TIAM1: variants seen among roughly 807,000 people sequenced by gnomAD.
TIAM1 encodes TIAM Rac1 associated GEF 1.
Under a neutral mutation model 163.5 loss-of-function variants are expected in TIAM1, and 65 were observed. The ratio of observed to expected loss-of-function variants is 0.40; its 90% CI spans 0.33 to 0.49. The LOEUF (loss-of-function observed/expected upper bound fraction) is 0.49. Among genes scored for constraint, TIAM1 ranks in the 20% least tolerant of loss-of-function variants. The probability of loss-of-function intolerance (pLI) is 0.77; values close to 1 mark genes in which losing one functional copy is unlikely to be tolerated. For missense variants in TIAM1, 1,789 were observed against 2,044.7 expected (o/e 0.87, Z 2.41); for synonymous variants, 833 against 810.1 (o/e 1.03, Z -0.48).
intron 2 of TIAM1, among the ~76,000 whole-genome samples, chr21:31,400,906 C>T (rs1181499814): frequency 6.6e-6 from 1 of 152,044 alleles, no homozygotes; most frequent in Non-Finnish European, 1.5e-5. Context: ...GCCTGACCAA[C>T]ATGGAGAAAC....
At chr21:31,245,372 TA>T (rs35494700) in intron 6 of TIAM1, 115 bp downstream of exon 6, 50,775 of 208,904 alleles carry the variant, frequency 0.24, 1,818 homozygotes, top group Admixed American at 0.35. Context: ...ATCTCACCAC[TA>T]AAAAAAAAAA....
At chr21:31,360,706 A>G (rs1712955952) in intron 2 of TIAM1, among the ~76,000 whole-genome samples, 1 of 152,254 alleles carries the variant, frequency 6.6e-6, no homozygotes, top group South Asian at 2.1e-4. Flanking sequence ...GTACAAATCA[A>G]TAAGAAAAAC....
At chr21:31,361,919 C>A (rs2076414101) in intron 2 of TIAM1, among the ~76,000 whole-genome samples, 1 of 152,062 alleles carries the variant, frequency 6.6e-6, no homozygotes, top group Admixed American at 6.6e-5. Flanking sequence ...TACATATACA[C>A]ATATATACAT....
chr21:31,250,536 C>T (rs1443637274), intron 5 of TIAM1, among the ~76,000 whole-genome samples: 1 of 152,214 alleles, frequency 6.6e-6, no homozygotes, highest in African/African-American at 2.4e-5. Context: ...CTCTAGGCTG[C>T]TCCATGTCTC....
At chr21:31,284,721 T>G (rs2073725814) in intron 2 of TIAM1, among the ~76,000 whole-genome samples, 1 of 151,962 alleles carries the variant, frequency 6.6e-6, no homozygotes, top group African/African-American at 2.4e-5. Context: ...TGATGGGGTT[T>G]CACCAAGTTA....
chr21:31,356,534 C>T (rs2076319808), intron 2 of TIAM1, among the ~76,000 whole-genome samples: 1 of 152,060 alleles, frequency 6.6e-6, no homozygotes, highest in Non-Finnish European at 1.5e-5. Context: ...ATCGGAGCCC[C>T]CAGGATTGGG....
intron 2 of TIAM1, among the ~76,000 whole-genome samples, chr21:31,315,707 C>T (rs2075098179): frequency 2.4e-5 from 3 of 122,906 alleles, no homozygotes; most frequent in African/African-American, 3.0e-5. Context: ...AAAGGACAGG[C>T]GCAGTGGCTC....
intron 1 of TIAM1, among the ~76,000 whole-genome samples, chr21:31,343,760 A>G (rs1272556722): frequency 3.3e-5 from 5 of 152,166 alleles, no homozygotes; most frequent in African/African-American, 1.2e-4. Context: ...GGCAGGACGC[A>G]TCCTGGGTGG....
chr21:31,421,381 G>A (rs917493673), intron 2 of TIAM1, among the ~76,000 whole-genome samples: 10 of 152,146 alleles, frequency 6.6e-5, no homozygotes, highest in Non-Finnish European at 1.5e-4. Context: ...GCTGCTGACC[G>A]ATACCAGTCT....
intron 1 of TIAM1, among the ~76,000 whole-genome samples, chr21:31,523,549 T>C (rs2047676889): frequency 6.6e-6 from 1 of 152,164 alleles, no homozygotes; most frequent in African/African-American, 2.4e-5. Flanking sequence ...AGGCTCAACC[T>C]AGCTGTTTAC....
intron 16 of TIAM1, chr21:31,160,551 T>C (rs1444773252): frequency 1.0e-5 from 4 of 398,556 alleles, no homozygotes; most frequent in Admixed American, 4.4e-5. Context: ...TGTATTCTCA[T>C]GGTAATTAAT....
chr21:31,335,483 T>C (rs2147078155), intron 2 of TIAM1, among the ~76,000 whole-genome samples: 1 of 152,196 alleles, frequency 6.6e-6, no homozygotes, highest in Middle Eastern at 3.4e-3. Context: ...GGCAGGTGGA[T>C]CACCTGAGGT....
At chr21:31,251,701 T>A in intron 5 of TIAM1, 41 bp downstream of exon 5, 5 of 1,528,178 alleles carry the variant, frequency 3.3e-6, no homozygotes, top group Non-Finnish European at 4.4e-6. Context: ...GGCACCTCTA[T>A]TGGTGCATTT....
intron 2 of TIAM1, among the ~76,000 whole-genome samples, chr21:31,368,605 T>C (rs748471055): frequency 3.3e-5 from 5 of 152,168 alleles, no homozygotes; most frequent in Admixed American, 6.5e-5. Context: ...AGGCTTCAAA[T>C]AGATGCGTGA....
At chr21:31,129,451 G>A (rs2082328117) in intron 25 of TIAM1, among the ~76,000 whole-genome samples, 1 of 152,208 alleles carries the variant, frequency 6.6e-6, no homozygotes, top group Non-Finnish European at 1.5e-5. Flanking sequence ...GGCCAAGGCG[G>A]GAGGCTTGCT....
At chr21:31,224,488 C>T (rs1313194866) in intron 7 of TIAM1, among the ~76,000 whole-genome samples, 1 of 152,182 alleles carries the variant, frequency 6.6e-6, no homozygotes, top group Non-Finnish European at 1.5e-5. Flanking sequence ...ACACAAAAGG[C>T]CACGTACTGT....
intron 1 of TIAM1, among the ~76,000 whole-genome samples, chr21:31,557,502 A>C (rs2048920919): frequency 6.6e-6 from 1 of 152,196 alleles, no homozygotes. Flanking sequence ...AGGAAGATAG[A>C]ATAGCTCGGC....
chr21:31,518,644 T>C (rs1383025733), intron 1 of TIAM1, among the ~76,000 whole-genome samples: 1 of 152,066 alleles, frequency 6.6e-6, no homozygotes, highest in Non-Finnish European at 1.5e-5. Context: ...AATACCATCA[T>C]CAGTCACTTC....
intron 5 of TIAM1, among the ~76,000 whole-genome samples, chr21:31,249,471 C>T (rs2071679405): frequency 6.6e-6 from 1 of 152,186 alleles, no homozygotes; most frequent in Non-Finnish European, 1.5e-5. Flanking sequence ...TCTTGTGATT[C>T]AGCAGGTGTG....
Sources: allele counts gnomAD v4.1 joint callset (sites outside exome capture counted in the v4.1 genomes callset), GRCh38; gene constraint gnomAD v4.1.1; transcripts MANE v1.5; gene names NCBI Gene and HGNC (gene_info 2026-07-23, HGNC 2026-07-21).